The following RNGTT variants were observed in gnomAD, a reference collection of about 807,000 sequenced individuals.
RNGTT encodes the protein RNA guanylyltransferase and 5'-phosphatase.
A neutral mutation model predicts 79.3 loss-of-function variants in RNGTT; 33 were observed. The ratio of observed to expected loss-of-function variants is 0.42; its 90% CI spans 0.32 to 0.56. The LOEUF (loss-of-function observed/expected upper bound fraction) is 0.56, where lower values mean the gene tolerates loss of function less well. Among genes scored for constraint, RNGTT ranks in the 20% least tolerant of loss-of-function variants. The pLI is 0.17. For synonymous variants in RNGTT, 222 were observed against 235.9 expected, an observed-to-expected ratio of 0.94 and a Z score of 0.54; for missense variants, 497 against 739.1, an observed-to-expected ratio of 0.67 and a Z score of 3.80.
At chr6:88,819,821 C>A (rs1401908144) in intron 11 of RNGTT, among the ~76,000 whole-genome samples, 4 of 152,090 alleles carry the variant, frequency 2.6e-5, no homozygotes, top group Non-Finnish European at 4.4e-5. Flanking sequence ...CACTCTCTTA[C>A]AATATATGTC....
chr6:88,938,789 C>T (rs1454233966), intron 2 of RNGTT, among the ~76,000 whole-genome samples: 1 of 152,142 alleles, frequency 6.6e-6, no homozygotes, highest in African/African-American at 2.4e-5. Context: ...TAACGCATTT[C>T]TTACAGGACC....
At chr6:88,779,868 T>C (rs1031425530) in intron 12 of RNGTT, among the ~76,000 whole-genome samples, 26 of 152,068 alleles carry the variant, frequency 1.7e-4, no homozygotes, top group Non-Finnish European at 3.5e-4. Context: ...TGGTGCATGT[T>C]TGTAGTCCCA....
At chr6:88,867,417 A>T (rs1205821445) in intron 8 of RNGTT, among the ~76,000 whole-genome samples, 4 of 152,242 alleles carry the variant, frequency 2.6e-5, no homozygotes, top group African/African-American at 7.2e-5. Flanking sequence ...TGGGGGGCAG[A>T]GGTTGCAGTG....
chr6:88,613,476 T>C (rs941764748), intron 15 of RNGTT, among the ~76,000 whole-genome samples: 7 of 152,228 alleles, frequency 4.6e-5, no homozygotes, highest in Non-Finnish European at 8.8e-5. Flanking sequence ...TGTCTGAACA[T>C]GGATGCTAGT....
chr6:88,944,159 G>T (rs1159873185), intron 1 of RNGTT, among the ~76,000 whole-genome samples: 4 of 152,132 alleles, frequency 2.6e-5, no homozygotes, highest in African/African-American at 9.7e-5. Flanking sequence ...AAAGCTAATT[G>T]TGTATGTTTA....
chr6:88,767,708 C>T (rs928924920), intron 13 of RNGTT, among the ~76,000 whole-genome samples: 2 of 137,048 alleles, frequency 1.5e-5, no homozygotes, highest in South Asian at 2.3e-4. Context: ...AAAAAAACAG[C>T]GTAGCCCCAC....
Position 88,847,895 on chromosome 6 carries a change from A to G in RNGTT, c.1104+1860T>C, listed in dbSNP as rs910493319. On this transcript the variant is annotated intron_variant, in intron 10 of 15. Transcript: ENST00000369485. The stretch of plus-strand genomic sequence containing the variant: ...CCTACATATTAAGAAGAAAAAAAAG[A>G]GACAGAAAACCAAATAGAACAAACT... Among the ~76,000 whole-genome samples, 30 of 152,094 alleles carry G rather than the reference A, an allele frequency of 2.0e-4. 1 individual carries two copies. Among genetic ancestry groups the G allele is most frequent in the African/African-American group, 7.0e-4 (29 of 41,542 alleles).
chr6:88,630,885 T>G (rs1392608830), intron 14 of RNGTT, among the ~76,000 whole-genome samples: 1 of 152,208 alleles, frequency 6.6e-6, no homozygotes, highest in African/African-American at 2.4e-5. Context: ...CCAGGAAATT[T>G]GTTTGCTTTG....
At chr6:88,666,442 C>T (rs1222359100) in intron 14 of RNGTT, among the ~76,000 whole-genome samples, 7 of 152,310 alleles carry the variant, frequency 4.6e-5, no homozygotes, top group East Asian at 1.9e-4. Context: ...AAAACTTAAA[C>T]ATAAAGGCCC....
chr6:88,736,829 T>A (rs1777303335), intron 13 of RNGTT, among the ~76,000 whole-genome samples: 1 of 152,184 alleles, frequency 6.6e-6, no homozygotes, highest in African/African-American at 2.4e-5. Flanking sequence ...CATACAACCA[T>A]CAGGTGGTGA....
intron 13 of RNGTT, among the ~76,000 whole-genome samples, chr6:88,693,849 C>T (rs1284359346): frequency 6.6e-6 from 1 of 152,108 alleles, no homozygotes; most frequent in African/African-American, 2.4e-5. Flanking sequence ...AAGAACAAAA[C>T]TCAAGTGATC....
chr6:88,638,442 A>G (rs531729987), intron 14 of RNGTT, among the ~76,000 whole-genome samples: 1 of 152,268 alleles, frequency 6.6e-6, no homozygotes. Flanking sequence ...TTACCATGGC[A>G]TTTCTGAAGT....
chr6:88,634,537 G>A (rs2127770693), intron 14 of RNGTT, among the ~76,000 whole-genome samples: 1 of 152,196 alleles, frequency 6.6e-6, no homozygotes, highest in South Asian at 2.1e-4. Context: ...ACAGAGAAAA[G>A]ACATATGACA....
chr6:88,755,469 G>C (rs7774048), intron 13 of RNGTT, among the ~76,000 whole-genome samples: 3 of 151,348 alleles, frequency 2.0e-5, no homozygotes, highest in East Asian at 1.9e-4. Flanking sequence ...AAACAACAAC[G>C]ACAAAAAAAA....
At chr6:88,957,375 C>T (rs1302843033) in intron 1 of RNGTT, among the ~76,000 whole-genome samples, 1 of 152,148 alleles carries the variant, frequency 6.6e-6, no homozygotes, top group African/African-American at 2.4e-5. Context: ...CCAGAGCAAT[C>T]AGGCAAGAGA....
intron 6 of RNGTT, among the ~76,000 whole-genome samples, chr6:88,904,402 T>C (rs910729602): frequency 6.6e-6 from 1 of 152,010 alleles, no homozygotes; most frequent in African/African-American, 2.4e-5. Context: ...AGTGAGAACC[T>C]TCTCTACAGA....
Position 88,648,476 on chromosome 6 carries a change from T to G in RNGTT, c.1506+29877A>C, listed in dbSNP as rs181014835. On this transcript the variant is annotated intron_variant, in intron 14 of 15. Transcript: ENST00000369485. ...TACCCTAAAACTTAAAGTATTATAA[T>G]AATAATAATAATAATAATAAAAAAT... Among the ~76,000 whole-genome samples, 530 of 146,366 alleles carry G rather than the reference T, an allele frequency of 3.6e-3. 3 individuals are homozygous for G. The highest frequency in any genetic ancestry group is 0.013 in the African/African-American group (501 of 39,128).
intron 11 of RNGTT, among the ~76,000 whole-genome samples, chr6:88,804,650 CAT>C (rs1779898913): frequency 6.6e-6 from 1 of 151,766 alleles, no homozygotes; most frequent in Non-Finnish European, 1.5e-5. Flanking sequence ...TTTATATATT[CAT>C]ATGAGATCAT....
chr6:88,703,237 GAC>G (rs1403858701), intron 13 of RNGTT, among the ~76,000 whole-genome samples: 1 of 152,108 alleles, frequency 6.6e-6, no homozygotes, highest in Non-Finnish European at 1.5e-5. Context: ...CTACCAAAAA[GAC>G]ACACATACTT....
Sources: allele counts gnomAD v4.1 joint callset (sites outside exome capture counted in the v4.1 genomes callset), GRCh38; gene constraint gnomAD v4.1.1; transcripts MANE v1.5; gene names NCBI Gene and HGNC (gene_info 2026-07-23, HGNC 2026-07-21).